The following DIS3L2 variants were observed in gnomAD, a reference collection of about 807,000 sequenced individuals.
The protein encoded by DIS3L2 is DIS3-like exonuclease 2.
DIS3L2 carries 34 observed loss-of-function variants against 97.5 expected under a neutral mutation model. That is an observed-to-expected ratio of 0.35 (90% CI 0.27 to 0.46). The LOEUF is 0.46. DIS3L2 is among the 20% of genes least tolerant of loss of function. DIS3L2 has a pLI of 1.00. For synonymous variants in DIS3L2, 435 were observed against 445.2 expected (o/e 0.98, Z 0.29); for missense variants, 1,038 against 1,146.0 (o/e 0.91, Z 1.36).
intron 12 of DIS3L2, among the ~76,000 whole-genome samples, chr2:232,261,047 A>T (rs533094799): frequency 1.3e-5 from 2 of 152,302 alleles, no homozygotes; most frequent in African/African-American, 4.8e-5. Context: ...CAGAAAATAC[A>T]CTTCCACGCA....
intron 5 of DIS3L2, among the ~76,000 whole-genome samples, chr2:232,082,020 C>T (rs1485710527): frequency 6.6e-6 from 1 of 152,202 alleles, no homozygotes; most frequent in East Asian, 1.9e-4. Flanking sequence ...GAACTCCTGA[C>T]CTCAGATGAT....
chr2:232,249,873 G>C (rs34845392), intron 12 of DIS3L2, among the ~76,000 whole-genome samples: 21,591 of 152,226 alleles, frequency 0.14, 2,020 homozygotes, highest in South Asian at 0.36. Flanking sequence ...GATGATTGGA[G>C]CGGTGAAGAT....
rs562230985 is a variant in DIS3L2, at chr2:232,065,081, CCTTTT to C, written c.367-22402_367-22398del. On this transcript the variant is annotated intron_variant, in intron 5 of 20. Transcript: ENST00000325385. ...CTATCCCAAAGTTGCAAAGATTTCTCCTTTTCTTCTTTCTTCTTAAAATTGTGGTA... is the reference window on the plus strand; with the variant it reads ...CTATCCCAAAGTTGCAAAGATTTCTCCTTCTTTCTTCTTAAAATTGTGGTA... 2.8e-3 allele frequency among the ~76,000 whole-genome samples: 426 copies of C among 152,140 alleles called. 1 individual carries two copies. The highest frequency in any genetic ancestry group is 4.7e-3 in the Non-Finnish European group (317 of 67,940).
At chr2:232,002,639 G>A (rs1004157223) in intron 1 of DIS3L2, among the ~76,000 whole-genome samples, 4 of 151,920 alleles carry the variant, frequency 2.6e-5, no homozygotes, top group Admixed American at 2.0e-4. Context: ...GTTTTATGTT[G>A]CTTTTTTTTG....
chr2:232,003,973 C>G (rs891862360), intron 1 of DIS3L2, among the ~76,000 whole-genome samples: 1 of 152,046 alleles, frequency 6.6e-6, no homozygotes. Flanking sequence ...TTTATTGAAT[C>G]TATGTATTTA....
intron 14 of DIS3L2, among the ~76,000 whole-genome samples, chr2:232,309,457 G>C (rs1695065649): frequency 6.6e-6 from 1 of 152,040 alleles, no homozygotes; most frequent in South Asian, 2.1e-4. Context: ...GAAGGAATTT[G>C]GAAAGGAAGG....
At chr2:232,249,007 G>T (rs1693342308) in intron 11 of DIS3L2, among the ~76,000 whole-genome samples, 1 of 152,172 alleles carries the variant, frequency 6.6e-6, no homozygotes, top group Non-Finnish European at 1.5e-5. Context: ...TTGTACTTTT[G>T]TCTTCCCTTA....
chr2:232,232,871 T>G (rs1337238822), intron 10 of DIS3L2, among the ~76,000 whole-genome samples: 2 of 152,010 alleles, frequency 1.3e-5, no homozygotes, highest in African/African-American at 2.4e-5. Flanking sequence ...GAAGGCAGCC[T>G]GGGGCAGAGC....
Position 232,333,889 on chromosome 2 carries a change from G to T in DIS3L2, c.2060G>T (p.Arg687Leu). ...CTGCTGCAGGACCCAGCGCAGTTCC[G>T]GCACTACGCGCTCAATGTGCCCCTG... is the stretch of plus-strand genomic sequence containing the variant. ...SGLLQDPAQFRHYALNVPLYT... is the reference protein window; with the variant it reads ...SGLLQDPAQFLHYALNVPLYT... Residue 687 changes from arginine (R) to leucine (L), a missense_variant, in exon 17 of 21, where the codon CGG (arginine) becomes CTG (leucine). Physicochemically the swap from Arg to Leu is moderately radical, Grantham distance 102 (BLOSUM62 -2). Transcript: ENST00000325385. The T allele has an allele frequency of 6.2e-7, 1 of 1,612,848 alleles. No individual in the cohort carries two copies.
intron 6 of DIS3L2, among the ~76,000 whole-genome samples, chr2:232,111,591 T>C (rs984317370): frequency 6.6e-6 from 1 of 152,202 alleles, no homozygotes; most frequent in South Asian, 2.1e-4. Context: ...ACCAGCCACA[T>C]GTGACTCTTG....
rs527868984 is a variant in DIS3L2 at position 232,302,646 on chromosome 2, C to T, written c.1739+2527C>T. Among the ~76,000 whole-genome samples the T allele has an allele frequency of 2.0e-3, 311 of 151,844 alleles. 4 individuals are homozygous for T. The highest frequency in any genetic ancestry group is 7.3e-3 in the African/African-American group (304 of 41,376). On this transcript the variant is annotated intron_variant, in intron 14 of 20. Transcript: ENST00000325385. ...CATGATCTCAGCTCACTGCACCCTC[C>T]GCCTCCTGGGTTCAAGTGATTCTCC...
chr2:232,259,366 G>T (rs1413678645), intron 12 of DIS3L2, among the ~76,000 whole-genome samples: 1 of 152,104 alleles, frequency 6.6e-6, no homozygotes, highest in East Asian at 1.9e-4. Flanking sequence ...GCAGGCTTTG[G>T]TAAAGAGTGA....
At chr2:232,106,018 G>A (rs1030113831) in intron 6 of DIS3L2, among the ~76,000 whole-genome samples, 1 of 152,118 alleles carries the variant, frequency 6.6e-6, no homozygotes, top group Non-Finnish European at 1.5e-5. Flanking sequence ...GGGTCTCTGA[G>A]TAATGGTATC....
intron 9 of DIS3L2, among the ~76,000 whole-genome samples, chr2:232,183,910 C>T (rs1258400599): frequency 3.9e-5 from 6 of 152,142 alleles, no homozygotes; most frequent in Non-Finnish European, 8.8e-5. Context: ...TAAACCTGTT[C>T]TTGCCACTCC....
rs542524646 is a variant in DIS3L2, at chr2:231,987,764, G to A, written c.-94+25999G>A. Among the ~76,000 whole-genome samples the A allele has an allele frequency of 3.3e-5, 5 of 152,294 alleles. No homozygotes were observed. In the South Asian group the frequency reaches 6.2e-4, roughly 19 times the overall value. On this transcript the variant is annotated intron_variant, in intron 1 of 20. Coordinates refer to ENST00000325385, the MANE Select transcript of DIS3L2 (RefSeq NM_152383.5). ...TTGACTTCTTTTTTTGAAGTGGTAGGGAGAAGAAGTACACCAGGTCTGTCA... is the reference window on the plus strand; with the variant it reads ...TTGACTTCTTTTTTTGAAGTGGTAGAGAGAAGAAGTACACCAGGTCTGTCA...
intron 6 of DIS3L2, among the ~76,000 whole-genome samples, chr2:232,105,222 C>T (rs34423812): frequency 0.13 from 19,526 of 152,064 alleles, 1,691 homozygotes; most frequent in South Asian, 0.33. Flanking sequence ...TACAACTATC[C>T]GTTTGAGTCA....
intron 9 of DIS3L2, among the ~76,000 whole-genome samples, chr2:232,179,989 C>G (rs1379136824): frequency 8.0e-6 from 1 of 124,498 alleles, no homozygotes; most frequent in Non-Finnish European, 1.5e-5. Context: ...TGAATGCGTC[C>G]CAGAGATTCT....
chr2:231,991,349 T>C (rs1693582661), intron 1 of DIS3L2, among the ~76,000 whole-genome samples: 1 of 152,194 alleles, frequency 6.6e-6, no homozygotes, highest in African/African-American at 2.4e-5. Context: ...CATAGCTTAC[T>C]GCACTCTTGA....
intron 5 of DIS3L2, among the ~76,000 whole-genome samples, chr2:232,040,227 G>T (rs1214818890): frequency 6.6e-6 from 1 of 152,190 alleles, no homozygotes; most frequent in Non-Finnish European, 1.5e-5. Flanking sequence ...AGAGAGGATT[G>T]TGAAAATTTT....
Sources: gnomAD v4.1 joint callset for allele counts (sites outside exome capture counted in the v4.1 genomes callset) on GRCh38, gnomAD v4.1.1 for gene constraint, MANE v1.5 for transcripts, NCBI Gene and HGNC (gene_info 2026-07-23, HGNC 2026-07-21) for gene names.